Variants in IL1RAPL2 observed in about 807,000 individuals in gnomAD.
IL1RAPL2 encodes the protein interleukin 1 receptor accessory protein like 2.
A neutral mutation model predicts 44.1 loss-of-function variants in IL1RAPL2; 3 were observed. That is an observed-to-expected ratio of 0.07 (90% CI 0.03 to 0.18). IL1RAPL2 has a LOEUF of 0.18. Among genes scored for constraint, IL1RAPL2 ranks in the 10% least tolerant of loss-of-function variants. The pLI, the probability that IL1RAPL2 is intolerant of heterozygous loss-of-function variation, is 1.00. For synonymous variants in IL1RAPL2, 181 were observed against 178.8 expected, an observed-to-expected ratio of 1.01 and a Z score of -0.10; for missense variants, 391 against 496.4, an observed-to-expected ratio of 0.79 and a Z score of 2.02.
chrX:105,256,137 T>C (rs2147649915), intron 4 of IL1RAPL2, among the ~76,000 whole-genome samples: 1 of 110,858 alleles, frequency 9.0e-6, no homozygotes, highest in South Asian at 3.9e-4. Flanking sequence ...TCAGGTTTTA[T>C]TATTAGAACA....
intron 2 of IL1RAPL2, among the ~76,000 whole-genome samples, chrX:104,759,104 G>T (rs1696959123): frequency 1.8e-5 from 2 of 112,400 alleles, no homozygotes; most frequent in African/African-American, 6.5e-5. Flanking sequence ...TGAGTCCTAA[G>T]ACGGCCCACA....
intron 4 of IL1RAPL2, among the ~76,000 whole-genome samples, chrX:105,262,028 C>A (rs1379329257): frequency 9.0e-6 from 1 of 111,701 alleles, no homozygotes; most frequent in Non-Finnish European, 1.9e-5. Context: ...GGATAGTTTC[C>A]TTCTCCATGT....
chrX:105,456,262 G>A (rs1449559536), intron 5 of IL1RAPL2, among the ~76,000 whole-genome samples: 1 of 111,994 alleles, frequency 8.9e-6, no homozygotes, highest in African/African-American at 3.2e-5. Context: ...CATGTCATCT[G>A]CAAACACGGA....
chrX:105,622,536 C>T (rs745333044), intron 6 of IL1RAPL2, among the ~76,000 whole-genome samples: 17 of 110,519 alleles, frequency 1.5e-4, no homozygotes, highest in African/African-American at 5.6e-4. Flanking sequence ...TCTGAGAGTA[C>T]ATAGGATTCT....
intron 2 of IL1RAPL2, among the ~76,000 whole-genome samples, chrX:104,908,316 A>G (rs1459347437): frequency 1.8e-5 from 2 of 111,253 alleles, no homozygotes; most frequent in Non-Finnish European, 3.8e-5. Flanking sequence ...TAAAGTTAAT[A>G]TTGTTATGTG....
At chrX:105,032,688 A>G (rs1330870172) in intron 2 of IL1RAPL2, among the ~76,000 whole-genome samples, 5 of 111,504 alleles carry the variant, frequency 4.5e-5, no homozygotes, top group African/African-American at 1.6e-4. Context: ...GGTGCTGAAA[A>G]TAATGTATAT....
intron 6 of IL1RAPL2, among the ~76,000 whole-genome samples, chrX:105,533,104 T>C (rs1305080902): frequency 9.0e-6 from 1 of 110,762 alleles, no homozygotes; most frequent in Non-Finnish European, 1.9e-5. Flanking sequence ...GCAGAAGAAT[T>C]GCTTGAACCT....
intron 2 of IL1RAPL2, among the ~76,000 whole-genome samples, chrX:105,080,145 A>G (rs905843580): frequency 1.8e-5 from 2 of 112,201 alleles, no homozygotes; most frequent in South Asian, 3.7e-4. Context: ...ACAGATTGCA[A>G]AAATTTTCTA....
chrX:105,186,632 A>G (rs2033590556), intron 2 of IL1RAPL2, among the ~76,000 whole-genome samples: 1 of 111,910 alleles, frequency 8.9e-6, no homozygotes, highest in African/African-American at 3.3e-5. Flanking sequence ...ACTATTCAGC[A>G]TGGAATCACG....
At chrX:105,369,012 A>T (rs1445299554) in intron 5 of IL1RAPL2, among the ~76,000 whole-genome samples, 1 of 109,015 alleles carries the variant, frequency 9.2e-6, no homozygotes, top group African/African-American at 3.3e-5. Flanking sequence ...TTGCTCAATT[A>T]TTCATGTTTG....
At chrX:105,710,536 GTTTCA>G (rs767459903) in intron 6 of IL1RAPL2, among the ~76,000 whole-genome samples, 1 of 109,265 alleles carries the variant, frequency 9.2e-6, no homozygotes, top group African/African-American at 3.3e-5. Flanking sequence ...CTCTGTGACT[GTTTCA>G]TTTAATTTAG....
intron 2 of IL1RAPL2, among the ~76,000 whole-genome samples, chrX:105,031,860 C>CT (rs1032632738): frequency 3.6e-5 from 4 of 111,441 alleles, no homozygotes; most frequent in African/African-American, 3.3e-5. Context: ...TGGTCCTGGA[C>CT]TTTTTTTGGT....
intron 2 of IL1RAPL2, among the ~76,000 whole-genome samples, chrX:104,823,741 C>T (rs1388406229): frequency 9.0e-6 from 1 of 111,389 alleles, no homozygotes; most frequent in African/African-American, 3.3e-5. Context: ...TCCTATTTCT[C>T]CACGAGACTT....
At chrX:104,866,912 A>G (rs1228751425) in intron 2 of IL1RAPL2, among the ~76,000 whole-genome samples, 1 of 111,220 alleles carries the variant, frequency 9.0e-6, no homozygotes, top group Non-Finnish European at 1.9e-5. Context: ...GAGGCTATCT[A>G]TCCTAGTATA....
intron 2 of IL1RAPL2, among the ~76,000 whole-genome samples, chrX:105,135,158 A>G (rs1393197110): frequency 9.0e-6 from 1 of 111,358 alleles, no homozygotes; most frequent in Non-Finnish European, 1.9e-5. Context: ...TAATATATTT[A>G]ATATGTATGC....
chrX:105,749,213 G>A (rs1875275777), intron 9 of IL1RAPL2, 110 bp downstream of exon 9: 30 of 721,290 alleles, frequency 4.2e-5, no homozygotes, highest in Admixed American at 1.1e-4. Flanking sequence ...AGGGGTAAAG[G>A]GCTATGGCAA....
At chrX:104,879,688 C>A (rs2147657466) in intron 2 of IL1RAPL2, among the ~76,000 whole-genome samples, 1 of 111,867 alleles carries the variant, frequency 8.9e-6, no homozygotes, top group South Asian at 3.7e-4. Flanking sequence ...ACAGTAGTTT[C>A]TGCTGGAATT....
chrX:104,806,969 A>G (rs1048195954), intron 2 of IL1RAPL2, among the ~76,000 whole-genome samples: 2 of 111,368 alleles, frequency 1.8e-5, no homozygotes, highest in Non-Finnish European at 3.8e-5. Flanking sequence ...GATAGTGATA[A>G]GATGGCAGAA....
intron 2 of IL1RAPL2, among the ~76,000 whole-genome samples, chrX:104,758,944 G>A (rs763744785): frequency 1.8e-5 from 2 of 111,679 alleles, no homozygotes; most frequent in South Asian, 7.5e-4. Context: ...GGCGATTTTT[G>A]AAATCAAAGT....
Sources: allele counts gnomAD v4.1 joint callset (sites outside exome capture counted in the v4.1 genomes callset), GRCh38; gene constraint gnomAD v4.1.1; transcripts MANE v1.5; gene names NCBI Gene and HGNC (gene_info 2026-07-23, HGNC 2026-07-21).